The following BPIFB1 variants were observed in gnomAD, a reference collection of about 807,000 sequenced individuals.
BPIFB1 encodes the protein BPI fold-containing family B member 1.
Under a neutral mutation model 55.1 loss-of-function variants are expected in BPIFB1, and 34 were observed. The ratio of observed to expected loss-of-function variants is 0.62; its 90% confidence interval spans 0.47 to 0.82. BPIFB1 has a LOEUF of 0.82. Among genes scored for constraint, BPIFB1 ranks in the 40% least tolerant of loss-of-function variants. BPIFB1 has a pLI of 0.00. For synonymous variants in BPIFB1, 236 were observed against 245.3 expected (o/e 0.96, Z 0.35); for missense variants, 532 against 593.1 (o/e 0.90, Z 1.07).
At position 33,289,933 on chromosome 20, in the gene BPIFB1, G is replaced by T. The variant is rs377293496; in HGVS notation, c.306G>T (p.Ser102=). Residue 102 remains serine (S), a synonymous_variant, in exon 4 of 16, where the codon TCG becomes TCT. Coordinates refer to ENST00000253354, the MANE Select transcript of BPIFB1 (RefSeq NM_033197.3). The stretch of plus-strand genomic sequence containing the variant: ...TCCTCCAGCTGCAGGTGAAGCCCTC[G>T]GCCAATGACCAGGAGCTGCTAGTCA... ...ANILQLQVKP[S]ANDQELLVKI... is the part of the protein sequence containing the mutation. 9 of 1,614,040 alleles carry T rather than the reference G, an allele frequency of 5.6e-6. No individual in the cohort carries two copies. Among genetic ancestry groups the T allele is most frequent in the Non-Finnish European group, 5.9e-6 (7 of 1,180,036 alleles).
chr20:33,291,177 A>G (rs1980461286), intron 5 of BPIFB1, 71 bp downstream of exon 5: 7 of 1,563,656 alleles, frequency 4.5e-6, no homozygotes, highest in Middle Eastern at 1.7e-4. Flanking sequence ...GACTTCCCCC[A>G]TTTTACAAAT....
chr20:33,293,604 G>A (rs1279699013), intron 6 of BPIFB1, among the ~76,000 whole-genome samples: 2 of 152,142 alleles, frequency 1.3e-5, no homozygotes, highest in Non-Finnish European at 2.9e-5. Context: ...TTGGCAGGTC[G>A]AGGCGGGAGG....
At chr20:33,297,751 A>C in intron 7 of BPIFB1, 163 bp downstream of exon 7, 1 of 733,184 alleles carries the variant, frequency 1.4e-6, no homozygotes, top group Non-Finnish European at 2.4e-6. Context: ...AGACGCGCAG[A>C]CAGAAATTCG....
At chr20:33,293,934 A>G (rs981790602) in intron 6 of BPIFB1, among the ~76,000 whole-genome samples, 6 of 152,232 alleles carry the variant, frequency 3.9e-5, no homozygotes, top group Non-Finnish European at 8.8e-5. Context: ...TTTTTCTCCA[A>G]GTTGGCTTCC....
intron 6 of BPIFB1, 108 bp from the exon 7 acceptor site, chr20:33,297,416 TG>T: frequency 1.7e-6 from 2 of 1,199,530 alleles, no homozygotes; most frequent in Non-Finnish European, 2.4e-6. Flanking sequence ...TGGCTGGCCA[TG>T]GGCACAGCAG....
At chr20:33,292,712 G>T (rs374943995) in intron 6 of BPIFB1, among the ~76,000 whole-genome samples, 1 of 152,022 alleles carries the variant, frequency 6.6e-6, no homozygotes, top group African/African-American at 2.4e-5. Flanking sequence ...TTTTTTCTGC[G>T]TCAGTAAACA....
At chr20:33,285,469 T>C (rs1028571222) in intron 1 of BPIFB1, among the ~76,000 whole-genome samples, 1 of 151,084 alleles carries the variant, frequency 6.6e-6, no homozygotes, top group African/African-American at 2.5e-5. Flanking sequence ...ATCCCAGCAC[T>C]TTGGGAGGCC....
chr20:33,307,034 C>T (rs1981053500), intron 15 of BPIFB1, 47 bp downstream of exon 15: 1 of 1,551,450 alleles, frequency 6.4e-7, no homozygotes, highest in Non-Finnish European at 8.9e-7. Flanking sequence ...AGGGCACAGC[C>T]ACTGAGAGCC....
chr20:33,297,408 G>T, intron 6 of BPIFB1, 117 bp from the exon 7 acceptor site: 1 of 1,083,448 alleles, frequency 9.2e-7, no homozygotes, highest in South Asian at 1.4e-5. Flanking sequence ...ATGGAACCTG[G>T]CTGGCCATGG....
At chr20:33,300,228 G>A (rs1419658683) in intron 8 of BPIFB1, among the ~76,000 whole-genome samples, 3 of 152,084 alleles carry the variant, frequency 2.0e-5, no homozygotes, top group Non-Finnish European at 4.4e-5. Context: ...GGGGACACTG[G>A]GCCCTCAGCC....
At chr20:33,293,528 C>G (rs1325805742) in intron 6 of BPIFB1, among the ~76,000 whole-genome samples, 2 of 152,088 alleles carry the variant, frequency 1.3e-5, no homozygotes, top group Non-Finnish European at 2.9e-5. Flanking sequence ...TTTAAAATGA[C>G]AGTAGCAATA....
At chr20:33,308,535 TACAC>T (rs1183117097) in intron 15 of BPIFB1, among the ~76,000 whole-genome samples, 6 of 131,504 alleles carry the variant, frequency 4.6e-5, no homozygotes, top group Admixed American at 2.2e-4. Flanking sequence ...TACACATACA[TACAC>T]ACACACACCT....
intron 1 of BPIFB1, among the ~76,000 whole-genome samples, chr20:33,284,159 C>CTA (rs947247573): frequency 1.3e-5 from 2 of 152,198 alleles, no homozygotes; most frequent in African/African-American, 4.8e-5. Flanking sequence ...CCCAAAAAGC[C>CTA]TATGACATAA....
chr20:33,285,293 G>A (rs1208791569), intron 1 of BPIFB1, among the ~76,000 whole-genome samples: 1 of 152,094 alleles, frequency 6.6e-6, no homozygotes, highest in East Asian at 1.9e-4. Flanking sequence ...CAAGGGGAGA[G>A]AAAGCAGGAG....
At chr20:33,306,878 C>T (rs763124814) in intron 14 of BPIFB1, 33 bp from the exon 15 acceptor site, 2 of 1,584,158 alleles carry the variant, frequency 1.3e-6, no homozygotes, top group East Asian at 2.2e-5. Context: ...TCACCCCAGG[C>T]CCATCAGTTT....
At chr20:33,289,210 A>G (rs1447843281) in intron 3 of BPIFB1, among the ~76,000 whole-genome samples, 1 of 151,934 alleles carries the variant, frequency 6.6e-6, no homozygotes, top group Non-Finnish European at 1.5e-5. Flanking sequence ...GCAAAACCCC[A>G]TCTCTACTAA....
rs749386588 is a variant in BPIFB1, at chr20:33,288,764, CACA to C, written c.142_144del (p.Asn48del). 1 of 1,613,930 alleles carries C rather than the reference CACA, an allele frequency of 6.2e-7. No homozygotes were observed. The highest frequency in any genetic ancestry group is 8.5e-7 in the Non-Finnish European group (1 of 1,180,010). ...AGAGCTGACACAGGAGCTGAAGGAC[CACA>C]ACGCCACCAGCATCCTGCAGCAGCT... On this transcript the variant is annotated inframe_deletion, in exon 3 of 16. Coordinates refer to ENST00000253354, the MANE Select transcript of BPIFB1 (RefSeq NM_033197.3).
intron 14 of BPIFB1, 138 bp from the exon 15 acceptor site, chr20:33,306,772 GA>G: frequency 1.4e-6 from 1 of 728,576 alleles, no homozygotes; most frequent in Middle Eastern, 2.6e-4. Context: ...TGGGGCCAGA[GA>G]ACAGGCGAGC....
intron 12 of BPIFB1, 138 bp from the exon 13 acceptor site, chr20:33,304,708 C>A: frequency 1.1e-6 from 1 of 952,014 alleles, no homozygotes; most frequent in Non-Finnish European, 1.6e-6. Flanking sequence ...AGCTCCACGA[C>A]GCAAGGGCTT....
Sources: allele counts gnomAD v4.1 joint callset (sites outside exome capture counted in the v4.1 genomes callset), GRCh38; gene constraint gnomAD v4.1.1; transcripts MANE v1.5; gene names NCBI Gene and HGNC (gene_info 2026-07-23, HGNC 2026-07-21).